CARF: variants seen among roughly 807,000 people sequenced by gnomAD.
CARF encodes the protein calcium-responsive transcription factor.
Under a neutral mutation model 82.0 loss-of-function variants are expected in CARF, and 57 were observed. The ratio of observed to expected loss-of-function variants is 0.70; its 90% CI spans 0.56 to 0.87. CARF has a LOEUF of 0.87. Ranked by LOEUF, CARF falls within the 40% of genes least tolerant of loss-of-function variation. The pLI, the probability that CARF is intolerant of heterozygous loss-of-function variation, is 0.00. For synonymous variants in CARF, 268 were observed against 290.1 expected, an observed-to-expected ratio of 0.92 and a Z score of 0.77; for missense variants, 771 against 855.8, an observed-to-expected ratio of 0.90 and a Z score of 1.24.
At chr2:202,946,196 TCCTAAGC>T (rs2058489453) in intron 5 of CARF, among the ~76,000 whole-genome samples, 1 of 152,090 alleles carries the variant, frequency 6.6e-6, no homozygotes, top group Non-Finnish European at 1.5e-5. Flanking sequence ...GCCAAGACAA[TCCTAAGC>T]AAAAAGAACA....
intron 1 of CARF, among the ~76,000 whole-genome samples, chr2:202,914,198 G>C (rs1480100697): frequency 6.6e-6 from 1 of 152,124 alleles, no homozygotes; most frequent in Non-Finnish European, 1.5e-5. Context: ...TTTACTATAT[G>C]GTCCTCATGG....
intron 3 of CARF, among the ~76,000 whole-genome samples, chr2:202,939,041 T>C (rs1162733157): frequency 6.6e-6 from 1 of 152,236 alleles, no homozygotes; most frequent in Non-Finnish European, 1.5e-5. Context: ...AGGGGTGTTT[T>C]TATGGTCTGT....
chr2:202,954,119 A>G lies in CARF; in HGVS notation c.542A>G (p.Lys181Arg), dbSNP rs1165986477. Residue 181 changes from lysine (K) to arginine (R), a missense_variant, in exon 7 of 17, where the codon AAA becomes AGA. By Grantham distance (26) the Lys-to-Arg change is conservative (BLOSUM62 2). Coordinates refer to ENST00000438828, the MANE Select transcript of CARF (RefSeq NM_024744.17). ...CCTCAAACATCCTTCCCATTGCCCA[A>G]AAAGTCAGTGACCGGGTGAGTCCAC... ...LHPQTSFPLPKKSVTGMLEEP... is the reference protein window; with the variant it reads ...LHPQTSFPLPRKSVTGMLEEP... 2 of 1,613,134 alleles carry G rather than the reference A, an allele frequency of 1.2e-6. No individual in the cohort carries two copies. Among genetic ancestry groups the G allele is most frequent in the South Asian group, 1.1e-5 (1 of 90,872 alleles).
In CARF at chr2:202,952,662, A is replaced by G; in HGVS notation, c.410A>G (p.Asp137Gly). The change falls in exon 6 of 17, where the codon GAT becomes GGT. Residue 137 changes from aspartate (D) to glycine (G), a missense_variant. By Grantham distance (94) the Asp-to-Gly change is moderately conservative. Transcript: ENST00000438828. ...QVIIPQGQLV[D>G]VNSPRDVPEE... ...ATTATACCTCAGGGGCAACTTGTGG[A>G]TGTGAATAGTCCTCGGGGTGAGTAA... The G allele has an allele frequency of 6.2e-7, 1 of 1,613,800 alleles. No homozygotes were observed. The highest frequency in any genetic ancestry group is 2.2e-5 in the East Asian group (1 of 44,854).
chr2:202,959,372 C>G (rs1054691286), intron 8 of CARF, among the ~76,000 whole-genome samples: 1 of 152,106 alleles, frequency 6.6e-6, no homozygotes, highest in African/African-American at 2.4e-5. Context: ...TATTTTGATA[C>G]CTTTCTATTT....
At chr2:202,966,387 A>T (rs2059550046) in intron 9 of CARF, among the ~76,000 whole-genome samples, 1 of 152,166 alleles carries the variant, frequency 6.6e-6, no homozygotes, top group African/African-American at 2.4e-5. Flanking sequence ...CAAATGTAAC[A>T]TTTGCTCACT....
Position 202,986,899 on chromosome 2 carries a change from T to TACATATATATATATATAC in CARF, c.*3276_*3277insCATATATATATATATACA, listed in dbSNP as rs1371634828. ...ATATATATATATATATATATATATA[T>TACATATATATATATATAC]ATATATATAGCAACTTGATGTATAG... On this transcript the variant is annotated 3_prime_UTR_variant, in exon 17 of 17. Coordinates refer to ENST00000438828, the MANE Select transcript of CARF (RefSeq NM_024744.17). The TACATATATATATATATAC allele has an allele frequency of 9.4e-5, 13 of 138,122 alleles. No individual in the cohort carries two copies. The highest frequency in any genetic ancestry group is 4.6e-4 in the South Asian group (2 of 4,350). 8.6% of individuals were successfully genotyped at this position (138,122 alleles called of 1,614,324 possible).
intron 3 of CARF, among the ~76,000 whole-genome samples, chr2:202,932,807 G>A (rs1369345364): frequency 6.6e-6 from 1 of 152,086 alleles, no homozygotes; most frequent in African/African-American, 2.4e-5. Flanking sequence ...TCCAGCTCTG[G>A]GGAAGATGAC....
At chr2:202,923,918 G>A (rs1559187702) in intron 2 of CARF, among the ~76,000 whole-genome samples, 1 of 152,320 alleles carries the variant, frequency 6.6e-6, no homozygotes, top group East Asian at 1.9e-4. Flanking sequence ...TAATTGGCTA[G>A]CCACATGTAG....
intron 3 of CARF, among the ~76,000 whole-genome samples, chr2:202,935,555 C>T (rs1693796603): frequency 6.6e-6 from 1 of 151,606 alleles, no homozygotes; most frequent in Non-Finnish European, 1.5e-5. Context: ...TGCCGAGAAG[C>T]TGGGACTGCA....
chr2:202,916,473 C>T (rs945295700), intron 1 of CARF, among the ~76,000 whole-genome samples: 1 of 152,088 alleles, frequency 6.6e-6, no homozygotes, highest in African/African-American at 2.4e-5. Context: ...GAGCCACCAG[C>T]ATCCCGCCGA....
intron 2 of CARF, among the ~76,000 whole-genome samples, chr2:202,920,989 A>T (rs1690687078): frequency 6.6e-6 from 1 of 152,130 alleles, no homozygotes; most frequent in African/African-American, 2.4e-5. Context: ...TCTTAGAAAC[A>T]TAAAATCTTA....
At chr2:202,931,451 C>T (rs1692924757) in intron 3 of CARF, among the ~76,000 whole-genome samples, 1 of 152,154 alleles carries the variant, frequency 6.6e-6, no homozygotes, top group South Asian at 2.1e-4. Flanking sequence ...ACATTTTTGA[C>T]CGTGTGAGCA....
At chr2:202,931,690 A>G (rs1692962865) in intron 3 of CARF, among the ~76,000 whole-genome samples, 2 of 152,226 alleles carry the variant, frequency 1.3e-5, no homozygotes, top group African/African-American at 4.8e-5. Flanking sequence ...GCAGTGGTAT[A>G]GTTTCCATGC....
chr2:202,981,805 T>TCA, intron 15 of CARF, 120 bp downstream of exon 15: 1 of 1,042,486 alleles, frequency 9.6e-7, no homozygotes, highest in Non-Finnish European at 1.4e-6. Context: ...GAAATATGTT[T>TCA]TCATTGTTAA....
chr2:202,932,401 A>G (rs2105763460), intron 3 of CARF, among the ~76,000 whole-genome samples: 3 of 152,266 alleles, frequency 2.0e-5, no homozygotes, highest in African/African-American at 7.2e-5. Flanking sequence ...ACCCTCTAGC[A>G]GCTCAGGCCC....
chr2:202,959,136 T>G (rs1467275882), intron 8 of CARF, among the ~76,000 whole-genome samples: 1 of 152,052 alleles, frequency 6.6e-6, no homozygotes, highest in Non-Finnish European at 1.5e-5. Flanking sequence ...GATTATATTA[T>G]ACTGATTTTT....
rs1356221040 is a variant in CARF at position 202,912,624 on chromosome 2, G to C, written c.-808G>C. 1 of 151,908 alleles carries C rather than the reference G, an allele frequency of 6.6e-6. No individual in the cohort carries two copies. Among genetic ancestry groups the C allele is most frequent in the African/African-American group, 2.4e-5 (1 of 41,384 alleles). The allele number at this position is 151,908 out of a possible 1,614,324, so 9.4% of individuals were successfully genotyped here. On this transcript the variant is annotated 5_prime_UTR_variant, in exon 1 of 17. Transcript: ENST00000438828. ...GCCTTTTCGGGGTCCCACATGGCAC[G>C]GCTTCCGACCCCCGGCCCGGGACGG...
At chr2:202,981,176 G>C (rs751778394) in intron 14 of CARF, among the ~76,000 whole-genome samples, 15 of 152,202 alleles carry the variant, frequency 9.9e-5, no homozygotes, top group Admixed American at 4.6e-4. Context: ...AGGGTGGAGA[G>C]TTGGGGGGAT....
Sources: allele counts gnomAD v4.1 joint callset (sites outside exome capture counted in the v4.1 genomes callset), GRCh38; gene constraint gnomAD v4.1.1; transcripts MANE v1.5; gene names NCBI Gene and HGNC (gene_info 2026-07-23, HGNC 2026-07-21).